Variants in TMEM268 observed in about 807,000 individuals in gnomAD.
TMEM268 encodes transmembrane protein C9orf91.
Under a neutral mutation model 39.1 loss-of-function variants are expected in TMEM268, and 24 were observed. The ratio of observed to expected loss-of-function variants is 0.61; its 90% confidence interval spans 0.44 to 0.86. The LOEUF (loss-of-function observed/expected upper bound fraction) is 0.86. TMEM268 is among the 40% of genes least tolerant of loss of function. The pLI, the probability that TMEM268 is intolerant of heterozygous loss-of-function variation, is 0.00. For missense variants in TMEM268, 409 were observed against 428.6 expected, an observed-to-expected ratio of 0.95 and a Z score of 0.40; for synonymous variants, 176 against 173.5, an observed-to-expected ratio of 1.01 and a Z score of -0.12.
chr9:114,612,780 G>A (rs942818128), intron 1 of TMEM268, among the ~76,000 whole-genome samples: 7 of 152,166 alleles, frequency 4.6e-5, no homozygotes, highest in African/African-American at 1.7e-4. Flanking sequence ...TCACTGCCTT[G>A]TTGCAATTGT....
chr9:114,622,001 G>A (rs1845965751), intron 2 of TMEM268: 1 of 721,168 alleles, frequency 1.4e-6, no homozygotes, highest in Non-Finnish European at 1.7e-6. Context: ...GTAAAGGTAG[G>A]TTTGCAGCAG....
intron 1 of TMEM268, among the ~76,000 whole-genome samples, chr9:114,612,469 C>T (rs1845540860): frequency 6.6e-6 from 1 of 152,214 alleles, no homozygotes; most frequent in African/African-American, 2.4e-5. Flanking sequence ...GTGTTATCCT[C>T]GGGCTGGTGC....
intron 3 of TMEM268, among the ~76,000 whole-genome samples, chr9:114,626,201 A>G (rs527939811): frequency 6.6e-6 from 1 of 152,228 alleles, no homozygotes; most frequent in East Asian, 1.9e-4. Context: ...AGGCTCAAGC[A>G]GTCCACCTGC....
upstream of TMEM268, among the ~76,000 whole-genome samples, chr9:114,607,481 C>T (rs146619400): frequency 8.0e-3 from 1,211 of 152,162 alleles, 10 homozygotes; most frequent in Non-Finnish European, 0.012. Flanking sequence ...CATGGTAAAA[C>T]CCTGTCTCTA....
chr9:114,609,830 AAG>A (rs1032074369), upstream of TMEM268, among the ~76,000 whole-genome samples: 49 of 126,152 alleles, frequency 3.9e-4, no homozygotes, highest in African/African-American at 6.2e-4. Flanking sequence ...CAAAGAAAGA[AAG>A]AGAGAAAGAA....
At chr9:114,622,450 A>C (rs1429006256) in intron 2 of TMEM268, 1 of 985,156 alleles carries the variant, frequency 1.0e-6, no homozygotes, top group Non-Finnish European at 1.2e-6. Context: ...ACTGTGGTGC[A>C]AGGAGATCTC....
In TMEM268 at chr9:114,643,356, C is replaced by G. The variant is rs201362748; in HGVS notation, c.*43C>G. On this transcript the variant is annotated 3_prime_UTR_variant, in exon 9 of 9. Transcript: ENST00000288502. ...TCATCTTCCTTCAAGACTGAGCAGT[C>G]AGGAAGGCTTCAGGAGCCCAAGATG... The G allele has an allele frequency of 1.3e-6, 2 of 1,593,318 alleles. No individual in the cohort carries two copies. The highest frequency in any genetic ancestry group is 2.2e-5 in the East Asian group (1 of 44,716).
Position 114,626,903 on chromosome 9 carries a change from C to A in TMEM268, c.221C>A (p.Pro74Gln). The change falls in exon 4 of 9, where the codon CCG becomes CAG. Residue 74 changes from proline to glutamine, a missense_variant. By Grantham distance (76) the Pro-to-Gln change is moderately conservative (BLOSUM62 -1). Coordinates refer to ENST00000288502, the MANE Select transcript of TMEM268 (RefSeq NM_153045.4). The part of the protein sequence containing the change: ...EQLQTWGIQV[P>Q]ADQYRSLAES... ...CTTTCCCTGGGTTCCAAGCAGGTCCCGGCTGACCAGTACAGGAGCTTGGCT... is the reference window on the plus strand; with the variant it reads ...CTTTCCCTGGGTTCCAAGCAGGTCCAGGCTGACCAGTACAGGAGCTTGGCT... 1 of 1,607,400 alleles carries A rather than the reference C, an allele frequency of 6.2e-7. No individual in the cohort carries two copies. Among genetic ancestry groups the A allele is most frequent in the South Asian group, 1.1e-5 (1 of 90,846 alleles).
At chr9:114,630,820 GTCT>G (rs905165508) in intron 5 of TMEM268, among the ~76,000 whole-genome samples, 20 of 152,136 alleles carry the variant, frequency 1.3e-4, no homozygotes, top group African/African-American at 4.8e-4. Flanking sequence ...CCCTTCTCAG[GTCT>G]TCTTTTGGGT....
chr9:114,643,149 C>G lies in TMEM268; in HGVS notation c.865C>G (p.Leu289Val). 1 of 1,614,170 alleles carries G rather than the reference C, an allele frequency of 6.2e-7. No homozygotes were observed. Among genetic ancestry groups the G allele is most frequent in the Non-Finnish European group, 8.5e-7 (1 of 1,180,010 alleles). ...CCTCTTCTAGGAAATGGCCCGCCAG[C>G]TGCTGGCAGTGTTTGGCGGCTACTA... ...EAEPEEMARQ[L>V]LAVFGGYYIR... Residue 289 changes from leucine to valine, a missense_variant, in exon 9 of 9, where the codon CTG (leucine) becomes GTG (valine). By Grantham distance (32) the Leu-to-Val change is conservative (BLOSUM62 1). Transcript: ENST00000288502.
rs181537256 is a variant in TMEM268 at position 114,611,742 on chromosome 9, C to T, written c.-79+178C>T. ...GGGTCCTTCGTGCGCCCTGGGGCCC[C>T]TCCCCCGCGTGCCGGCCGTGGGAGC... On this transcript the variant is annotated intron_variant, in intron 1 of 8. Transcript: ENST00000288502. Among the ~76,000 whole-genome samples, 761 of 152,242 alleles carry T rather than the reference C, an allele frequency of 5.0e-3. 6 individuals carry two copies. The highest frequency in any genetic ancestry group is 0.017 in the African/African-American group (720 of 41,558).
chr9:114,630,316 A>ATCCATCC (rs1846342401), intron 5 of TMEM268, among the ~76,000 whole-genome samples: 2 of 151,366 alleles, frequency 1.3e-5, no homozygotes, highest in Non-Finnish European at 2.9e-5. Context: ...CCATCCATCC[A>ATCCATCC]AGACAGGTCT....
chr9:114,613,540 A>T (rs555076565), intron 1 of TMEM268, among the ~76,000 whole-genome samples: 18 of 152,358 alleles, frequency 1.2e-4, no homozygotes, highest in African/African-American at 4.1e-4. Context: ...TGCAGGGCAG[A>T]GATCCTTGTG....
rs376587972 is a variant in TMEM268 at position 114,617,234 on chromosome 9, C to T, written c.39C>T (p.Gly13=). The T allele has an allele frequency of 1.4e-4, 230 of 1,611,754 alleles. No individual in the cohort carries two copies. The highest frequency in any genetic ancestry group is 2.0e-5 in the Non-Finnish European group (23 of 1,179,100). Residue 13 remains glycine, a synonymous_variant, in exon 2 of 9, where the codon GGC becomes GGT. Coordinates refer to ENST00000288502, the MANE Select transcript of TMEM268 (RefSeq NM_153045.4). ...CACAGGTGGACCCGGGGGCCACTGG[C>T]CCATTGCCCCCCTCCTCCCCTGGCT... is the stretch of plus-strand genomic sequence containing the variant. ...CEPQVDPGAT[G]PLPPSSPGWS...
At chr9:114,638,491 C>T in intron 7 of TMEM268, 53 bp from the exon 8 acceptor site, 1 of 1,399,018 alleles carries the variant, frequency 7.1e-7, no homozygotes, top group Non-Finnish European at 9.5e-7. Context: ...CTCAGCCTCG[C>T]AGATACCACC....
chr9:114,608,386 G>A (rs1845394155), upstream of TMEM268, among the ~76,000 whole-genome samples: 1 of 152,230 alleles, frequency 6.6e-6, no homozygotes, highest in South Asian at 2.1e-4. Context: ...AAGTGGTAGA[G>A]CCTGGTGGGC....
At chr9:114,631,737 T>G (rs371294999) in intron 5 of TMEM268, among the ~76,000 whole-genome samples, 5 of 152,146 alleles carry the variant, frequency 3.3e-5, no homozygotes, top group East Asian at 1.9e-4. Context: ...AAACAAAATA[T>G]AATTATTCCT....
At chr9:114,616,130 C>T (rs1845700854) in intron 1 of TMEM268, among the ~76,000 whole-genome samples, 1 of 151,198 alleles carries the variant, frequency 6.6e-6, no homozygotes, top group East Asian at 1.9e-4. Context: ...ATTCTCCTGC[C>T]TCAGCCTCCC....
upstream of TMEM268, among the ~76,000 whole-genome samples, chr9:114,609,734 G>GAAAAAGAAAAAGAAAAAGAAAAA (rs1564279418): frequency 1.5e-3 from 101 of 67,316 alleles, no homozygotes; most frequent in African/African-American, 6.3e-3. Flanking sequence ...AGAAAAAGAA[G>GAAAAAGAAAAAGAAAAAGAAAAA]GAAGGAAGGA....
Sources: gnomAD v4.1 joint callset for allele counts (sites outside exome capture counted in the v4.1 genomes callset) on GRCh38, gnomAD v4.1.1 for gene constraint, MANE v1.5 for transcripts, NCBI Gene and HGNC (gene_info 2026-07-23, HGNC 2026-07-21) for gene names.